Variants in PIK3C2G observed in about 807,000 individuals in gnomAD.
The protein encoded by PIK3C2G is phosphatidylinositol-4-phosphate 3-kinase catalytic subunit type 2 gamma.
PIK3C2G carries 168 observed loss-of-function variants against 181.1 expected under a neutral mutation model. The ratio of observed to expected loss-of-function variants is 0.93; its 90% CI spans 0.82 to 1.05. The LOEUF is 1.05. Among genes scored for constraint, PIK3C2G ranks in the 50% least tolerant of loss-of-function variants. The pLI is 0.00. For missense variants in PIK3C2G, 1,869 were observed against 1,732.8 expected (o/e 1.08, Z -1.40); for synonymous variants, 573 against 592.2 (o/e 0.97, Z 0.47).
At chr12:18,434,244 C>T (rs768441487) in intron 18 of PIK3C2G, among the ~76,000 whole-genome samples, 18 of 152,106 alleles carry the variant, frequency 1.2e-4, no homozygotes, top group Non-Finnish European at 1.9e-4. Flanking sequence ...GGGCATGAAC[C>T]CATTCATGAG....
intron 18 of PIK3C2G, among the ~76,000 whole-genome samples, chr12:18,440,438 G>C (rs1946680144): frequency 6.6e-6 from 1 of 152,026 alleles, no homozygotes; most frequent in Non-Finnish European, 1.5e-5. Flanking sequence ...AATAAAACAA[G>C]TAGGAAACAT....
intron 18 of PIK3C2G, among the ~76,000 whole-genome samples, chr12:18,487,625 A>ATTTGTTGTT (rs1940180201): frequency 1.3e-5 from 2 of 152,050 alleles, no homozygotes; most frequent in Non-Finnish European, 2.9e-5. Flanking sequence ...ATTGTCAAAC[A>ATTTGTTGTT]TTTGTTGTTG....
chr12:18,463,502 A>G (rs1471663615), intron 18 of PIK3C2G, among the ~76,000 whole-genome samples: 2 of 152,162 alleles, frequency 1.3e-5, no homozygotes, highest in East Asian at 3.9e-4. Flanking sequence ...TCCCTGTTAA[A>G]CATTTACACA....
At chr12:18,486,859 C>A (rs1940090555) in intron 18 of PIK3C2G, among the ~76,000 whole-genome samples, 1 of 152,184 alleles carries the variant, frequency 6.6e-6, no homozygotes, top group Admixed American at 6.5e-5. Flanking sequence ...CATCTTCAAG[C>A]TTTACAAGTG....
the PIK3C2G span, among the ~76,000 whole-genome samples, chr12:18,720,050 C>T: frequency 0.44 from 66,372 of 151,800 alleles, 16,756 homozygotes; most frequent in South Asian, 0.61. Context: ...GATCTGACTT[C>T]GAAAAGCATA....
At chr12:18,491,621 A>G (rs1013609023) in intron 20 of PIK3C2G, 63 bp downstream of exon 20, 27 of 915,710 alleles carry the variant, frequency 2.9e-5, no homozygotes, top group Middle Eastern at 4.7e-4. Flanking sequence ...AGTTCATTGT[A>G]TATGTTTGAA....
chr12:18,511,738 T>C (rs761526854), intron 24 of PIK3C2G, among the ~76,000 whole-genome samples: 8 of 152,150 alleles, frequency 5.3e-5, no homozygotes, highest in Non-Finnish European at 1.0e-4. Flanking sequence ...GACAAATGGT[T>C]TGCAAACATT....
the PIK3C2G span, among the ~76,000 whole-genome samples, chr12:18,656,456 C>T: frequency 6.6e-6 from 1 of 152,096 alleles, no homozygotes; most frequent in Admixed American, 6.5e-5. Flanking sequence ...ATCCCAGCTA[C>T]TTGGAAGGCT....
intron 29 of PIK3C2G, among the ~76,000 whole-genome samples, chr12:18,591,985 G>C (rs1947107266): frequency 6.6e-6 from 1 of 151,850 alleles, no homozygotes; most frequent in South Asian, 2.1e-4. Context: ...GGAGAACAGA[G>C]AGTCCAAGTA....
At chr12:18,514,073 T>C (rs1237357464) in intron 24 of PIK3C2G, among the ~76,000 whole-genome samples, 9 of 151,920 alleles carry the variant, frequency 5.9e-5, no homozygotes, top group Admixed American at 5.9e-4. Context: ...CCATGTACTT[T>C]TTATATTTTC....
At chr12:18,358,000 G>T (rs1371936600) in intron 11 of PIK3C2G, among the ~76,000 whole-genome samples, 1 of 152,120 alleles carries the variant, frequency 6.6e-6, no homozygotes, top group East Asian at 1.9e-4. Context: ...TTCACCCACT[G>T]GTGAACATTT....
At chr12:18,396,560 AACTG>A (rs1001983626) in intron 15 of PIK3C2G, among the ~76,000 whole-genome samples, 13 of 151,856 alleles carry the variant, frequency 8.6e-5, no homozygotes, top group African/African-American at 3.1e-4. Context: ...AAAGAAATAA[AACTG>A]ACTATTTTTA....
chr12:18,309,191 C>T (rs2137365855), intron 5 of PIK3C2G, among the ~76,000 whole-genome samples: 1 of 151,800 alleles, frequency 6.6e-6, no homozygotes. Context: ...GTCTGTCTTG[C>T]CCTATTGATA....
At chr12:18,294,421 G>A (rs1441733118) in intron 5 of PIK3C2G, among the ~76,000 whole-genome samples, 1 of 151,864 alleles carries the variant, frequency 6.6e-6, no homozygotes, top group East Asian at 1.9e-4. Context: ...TAATTTTTTG[G>A]TTAGAATAAT....
At chr12:18,637,599 C>G (rs1949663996) in intron 31 of PIK3C2G, among the ~76,000 whole-genome samples, 1 of 152,188 alleles carries the variant, frequency 6.6e-6, no homozygotes, top group Admixed American at 6.5e-5. Flanking sequence ...AACTTGGCCC[C>G]TGCCACACTG....
At chr12:18,354,403 C>T (rs1011095067) in intron 11 of PIK3C2G, among the ~76,000 whole-genome samples, 2 of 152,166 alleles carry the variant, frequency 1.3e-5, no homozygotes, top group African/African-American at 4.8e-5. Context: ...GCTGGCTCCC[C>T]TGTGGGAGGT....
chr12:18,376,987 A>G (rs1942491026), intron 13 of PIK3C2G, among the ~76,000 whole-genome samples: 1 of 152,182 alleles, frequency 6.6e-6, no homozygotes, highest in Non-Finnish European at 1.5e-5. Flanking sequence ...CAATCTCAGG[A>G]ATTTCTTTTT....
At chr12:18,521,847 A>T (rs1942940222) in intron 24 of PIK3C2G, among the ~76,000 whole-genome samples, 1 of 152,210 alleles carries the variant, frequency 6.6e-6, no homozygotes, top group Non-Finnish European at 1.5e-5. Context: ...GGCTGTTGAG[A>T]ATCTGTGCGG....
the PIK3C2G span, among the ~76,000 whole-genome samples, chr12:18,723,083 G>C: frequency 3.8e-4 from 57 of 151,928 alleles, no homozygotes; most frequent in Non-Finnish European, 7.1e-4. Context: ...GCAGTTAAAA[G>C]AAAGGAGCTG....
Sources: allele counts gnomAD v4.1 joint callset (sites outside exome capture counted in the v4.1 genomes callset), GRCh38; gene constraint gnomAD v4.1.1; transcripts MANE v1.5; gene names NCBI Gene and HGNC (gene_info 2026-07-23, HGNC 2026-07-21).